Variants in MAST4 observed in about 807,000 individuals in gnomAD.
MAST4 encodes the protein microtubule-associated serine/threonine-protein kinase 4.
In MAST4, 89 loss-of-function variants were observed where a neutral mutation model predicts 162.7. The ratio of observed to expected loss-of-function variants is 0.55; its 90% confidence interval spans 0.46 to 0.65. MAST4 has a LOEUF of 0.65. MAST4 is among the 30% of genes least tolerant of loss of function. MAST4 has a pLI of 0.00. For synonymous variants in MAST4, 1,479 were observed against 1,361.1 expected, an observed-to-expected ratio of 1.09 and a Z score of -1.91; for missense variants, 3,153 against 3,374.0, an observed-to-expected ratio of 0.93 and a Z score of 1.62.
chr5:66,970,403 A>G (rs879932436), intron 4 of MAST4, among the ~76,000 whole-genome samples: 3 of 152,224 alleles, frequency 2.0e-5, no homozygotes, highest in African/African-American at 7.2e-5. Context: ...AATGGGTATT[A>G]TAAGCTCATC....
intron 3 of MAST4, among the ~76,000 whole-genome samples, chr5:66,893,626 A>T (rs1371205699): frequency 6.6e-6 from 1 of 152,222 alleles, no homozygotes; most frequent in Non-Finnish European, 1.5e-5. Context: ...CTGTAAAAAG[A>T]GAAAGATAAT....
At chr5:66,940,763 TA>T (rs1235423613) in intron 4 of MAST4, among the ~76,000 whole-genome samples, 2 of 152,160 alleles carry the variant, frequency 1.3e-5, no homozygotes, top group Non-Finnish European at 2.9e-5. Context: ...GACCTCTTTT[TA>T]TGACCTTTTT....
At chr5:66,973,781 C>A (rs1487860458) in intron 4 of MAST4, among the ~76,000 whole-genome samples, 1 of 152,078 alleles carries the variant, frequency 6.6e-6, no homozygotes, top group Non-Finnish European at 1.5e-5. Context: ...CCTTTCTCTC[C>A]CTTCATTTTT....
chr5:66,645,646 C>T (rs987095641), intron 1 of MAST4, among the ~76,000 whole-genome samples: 7 of 152,194 alleles, frequency 4.6e-5, no homozygotes, highest in Non-Finnish European at 8.8e-5. Flanking sequence ...GATTTTAACA[C>T]GTTTTTTCCT....
intron 1 of MAST4, among the ~76,000 whole-genome samples, chr5:66,656,237 G>C (rs1438387746): frequency 6.6e-6 from 1 of 152,178 alleles, no homozygotes; most frequent in Non-Finnish European, 1.5e-5. Flanking sequence ...TCAAATATTG[G>C]TCAGGGTTAG....
intron 4 of MAST4, among the ~76,000 whole-genome samples, chr5:66,951,901 A>G (rs1253885487): frequency 6.6e-6 from 1 of 151,994 alleles, no homozygotes; most frequent in East Asian, 1.9e-4. Context: ...TTCTGTTCCA[A>G]GCTGGACGGT....
Position 66,656,646 on chromosome 5 carries a change from C to T in MAST4, c.363+59628C>T, listed in dbSNP as rs1431813458. Among the ~76,000 whole-genome samples the T allele has an allele frequency of 3.3e-5, 5 of 152,154 alleles. No individual in the cohort carries two copies. The East Asian group carries it at 7.7e-4, about 23-fold the overall frequency. On this transcript the variant is annotated intron_variant, in intron 1 of 28. Transcript: ENST00000403625. ...TCTTGATTAGGTTCACTGGTTTTTC[C>T]ATGCAATGCAGAGACAATTCTAAGG...
intron 4 of MAST4, among the ~76,000 whole-genome samples, chr5:66,995,247 A>T (rs1002246505): frequency 2.4e-4 from 37 of 152,352 alleles, no homozygotes; most frequent in African/African-American, 8.7e-4. Context: ...GTGTCAAAAA[A>T]TATCAATCAA....
At chr5:66,963,595 TAAG>T in intron 4 of MAST4, 2 of 712,600 alleles carry the variant, frequency 2.8e-6, no homozygotes, top group Non-Finnish European at 2.6e-6. Context: ...GTGGTGTAGA[TAAG>T]CTTGCCATAG....
rs1769080933 is a variant in MAST4, at chr5:67,132,290, A to C, written c.2093+339A>C. Among the ~76,000 whole-genome samples the C allele has an allele frequency of 2.0e-5, 3 of 152,290 alleles. No homozygotes were observed. In the South Asian group the frequency reaches 6.2e-4, roughly 32 times the overall value. ...TGCTGCACCCATCAATCCGTCATCT[A>C]CATTAGGTATTTATCCTAATGTTAT... is the stretch of plus-strand genomic sequence containing the variant. On this transcript the variant is annotated intron_variant, in intron 16 of 28. Coordinates refer to ENST00000403625, the MANE Select transcript of MAST4 (RefSeq NM_001164664.2).
At chr5:67,019,639 A>T (rs376854366) in intron 4 of MAST4, among the ~76,000 whole-genome samples, 1 of 152,202 alleles carries the variant, frequency 6.6e-6, no homozygotes, top group African/African-American at 2.4e-5. Flanking sequence ...TAATTTTCAG[A>T]CATAAGTTGT....
At chr5:67,128,931 G>A (rs1412798265) in intron 14 of MAST4, among the ~76,000 whole-genome samples, 2 of 152,196 alleles carry the variant, frequency 1.3e-5, no homozygotes, top group Non-Finnish European at 2.9e-5. Flanking sequence ...GAAGACTTGT[G>A]AGAAAGGAGC....
intron 4 of MAST4, among the ~76,000 whole-genome samples, chr5:67,042,591 C>T (rs1056273921): frequency 1.3e-5 from 2 of 151,148 alleles, no homozygotes; most frequent in African/African-American, 2.4e-5. Flanking sequence ...CTTCCCTTTT[C>T]GTGTTAGAAA....
chr5:66,907,592 G>A (rs879487131), intron 4 of MAST4, among the ~76,000 whole-genome samples: 5,702 of 19,172 alleles, frequency 0.3, 232 homozygotes, highest in African/African-American at 0.36. Context: ...TGATGCGTGT[G>A]TGTGTGTGTG....
intron 4 of MAST4, chr5:66,930,612 A>T (rs1197113126): frequency 2.4e-6 from 1 of 421,290 alleles, no homozygotes; most frequent in Non-Finnish European, 4.8e-6. Context: ...GAAGTTTAAA[A>T]TTTTTTATGT....
At chr5:66,763,012 A>G (rs890542670) in intron 2 of MAST4, among the ~76,000 whole-genome samples, 33 of 152,182 alleles carry the variant, frequency 2.2e-4, no homozygotes, top group African/African-American at 7.5e-4. Flanking sequence ...GGCTTATTTA[A>G]TCCTTATAAC....
intron 3 of MAST4, among the ~76,000 whole-genome samples, chr5:66,885,082 C>G (rs781774816): frequency 6.6e-5 from 10 of 152,158 alleles, no homozygotes; most frequent in East Asian, 1.9e-4. Flanking sequence ...CTTGCACAGA[C>G]AGAATGCAAA....
intron 14 of MAST4, among the ~76,000 whole-genome samples, chr5:67,127,118 T>C (rs1332904562): frequency 6.6e-6 from 1 of 152,228 alleles, no homozygotes; most frequent in African/African-American, 2.4e-5. Context: ...GCTTATCAGC[T>C]TAAGGAGATT....
intron 4 of MAST4, among the ~76,000 whole-genome samples, chr5:66,946,316 T>C (rs1188476167): frequency 1.3e-5 from 2 of 152,164 alleles, no homozygotes; most frequent in Non-Finnish European, 2.9e-5. Flanking sequence ...AGTTTCATGC[T>C]TTGTGACTTA....
Sources: gnomAD v4.1 joint callset for allele counts (sites outside exome capture counted in the v4.1 genomes callset) on GRCh38, gnomAD v4.1.1 for gene constraint, MANE v1.5 for transcripts, NCBI Gene and HGNC (gene_info 2026-07-23, HGNC 2026-07-21) for gene names.